The following ST8SIA6 variants were observed in gnomAD, a reference collection of about 807,000 sequenced individuals.
The protein encoded by ST8SIA6 is alpha-2,8-sialyltransferase 8F.
A neutral mutation model predicts 33.6 loss-of-function variants in ST8SIA6; 39 were observed. The observed-to-expected ratio is 1.16, with a 90% CI of 0.90 to 1.52. ST8SIA6 has a LOEUF of 1.52. Among genes scored for constraint, ST8SIA6 ranks in the 40% most tolerant of loss-of-function variants. The pLI is 0.00. For synonymous variants in ST8SIA6, 172 were observed against 167.2 expected, an observed-to-expected ratio of 1.03 and a Z score of -0.22; for missense variants, 441 against 443.8, an observed-to-expected ratio of 0.99 and a Z score of 0.06.
intron 2 of ST8SIA6, among the ~76,000 whole-genome samples, chr10:17,450,170 T>C (rs911348808): frequency 3.9e-5 from 6 of 151,958 alleles, no homozygotes; most frequent in African/African-American, 1.5e-4. Flanking sequence ...CAGAAGAGAA[T>C]CTTTGCTAGA....
At chr10:17,386,828 A>G (rs559053059) in intron 3 of ST8SIA6, 1 of 152,266 alleles carries the variant, frequency 6.6e-6, no homozygotes, top group East Asian at 1.9e-4. Flanking sequence ...GCTACGTGAT[A>G]CCCGGTAGGC....
chr10:17,390,585 T>TC lies in ST8SIA6; in HGVS notation c.235dup (p.Glu79GlyfsTer11). ...GCCATATTGCAGATTTTTGCATTTC[T>TC]CCGTCAGTTGGAGCGACTTCTCATT... On this transcript the variant is annotated frameshift_variant, in exon 3 of 8. Coordinates refer to ENST00000377602, the MANE Select transcript of ST8SIA6 (RefSeq NM_001004470.3). 6.2e-7 allele frequency: 1 copy of TC among 1,614,092 alleles called. No homozygotes were observed. The highest frequency in any genetic ancestry group is 8.5e-7 in the Non-Finnish European group (1 of 1,179,968).
At chr10:17,406,621 A>G (rs1401786285) in intron 2 of ST8SIA6, among the ~76,000 whole-genome samples, 1 of 152,068 alleles carries the variant, frequency 6.6e-6, no homozygotes, top group East Asian at 1.9e-4. Context: ...TCTCCCATTC[A>G]TAGTCTATAC....
At chr10:17,324,319 C>G (rs1463331121) in intron 6 of ST8SIA6, among the ~76,000 whole-genome samples, 1 of 151,966 alleles carries the variant, frequency 6.6e-6, no homozygotes, top group Non-Finnish European at 1.5e-5. Flanking sequence ...ACATGAACTT[C>G]CCTCATTGAT....
rs750266082 is a variant in ST8SIA6, at chr10:17,444,028, C to G, written c.200+9531G>C. Among the ~76,000 whole-genome samples, 156 of 152,320 alleles carry G rather than the reference C, an allele frequency of 1.0e-3. 1 individual carries two copies. The highest frequency in any genetic ancestry group is 2.0e-3 in the Admixed American group (30 of 15,304). ...TCATATCCCTTCTGCTGTAACCAAG[C>G]CTCTGGTCTCGTTATTTCCAGCGTT... On this transcript the variant is annotated intron_variant, in intron 2 of 7. Transcript: ENST00000377602.
chr10:17,448,782 A>ATTTTT (rs753562099), intron 2 of ST8SIA6, among the ~76,000 whole-genome samples: 16 of 123,550 alleles, frequency 1.3e-4, no homozygotes, highest in Non-Finnish European at 2.5e-4. Flanking sequence ...CGCCAGGCTA[A>ATTTTT]TTTTTTTTTT....
chr10:17,425,665 GGAA>G (rs1851913493), intron 2 of ST8SIA6, among the ~76,000 whole-genome samples: 1 of 149,856 alleles, frequency 6.7e-6, no homozygotes, highest in Non-Finnish European at 1.5e-5. Flanking sequence ...AGGGAGGAAG[GGAA>G]GAAAGAAAAA....
chr10:17,373,903 T>C (rs777482967), intron 3 of ST8SIA6, among the ~76,000 whole-genome samples: 2 of 152,178 alleles, frequency 1.3e-5, no homozygotes, highest in African/African-American at 2.4e-5. Context: ...TTTCCATTTT[T>C]CTCTGAGAGA....
At chr10:17,436,749 C>T (rs1367217638) in intron 2 of ST8SIA6, among the ~76,000 whole-genome samples, 1 of 151,860 alleles carries the variant, frequency 6.6e-6, no homozygotes, top group African/African-American at 2.4e-5. Context: ...ATATGTGTCA[C>T]ATTTTCTTAA....
intron 3 of ST8SIA6, among the ~76,000 whole-genome samples, chr10:17,371,802 AAG>A (rs544366396): frequency 0.12 from 16,408 of 134,342 alleles, 1,180 homozygotes; most frequent in East Asian, 0.34. Flanking sequence ...AAAAAAAAAA[AAG>A]AAAGAAAGTA....
chr10:17,350,402 G>A lies in ST8SIA6; in HGVS notation c.377+9112C>T, dbSNP rs77975607. On this transcript the variant is annotated intron_variant, in intron 4 of 7. Coordinates refer to ENST00000377602, the MANE Select transcript of ST8SIA6 (RefSeq NM_001004470.3). Reference sequence around the variant, plus strand: ...TGAATGCTTGCTTCACACCAAAGGAGTAGTTTATGTTATTAAGAAAACAGT... The same window carrying A: ...TGAATGCTTGCTTCACACCAAAGGAATAGTTTATGTTATTAAGAAAACAGT... 8.7e-3 allele frequency among the ~76,000 whole-genome samples: 1,332 copies of A among 152,278 alleles called. 8 individuals carry two copies. The highest frequency in any genetic ancestry group is 0.015 in the Non-Finnish European group (1,017 of 68,026).
At chr10:17,439,490 G>C (rs1722092226) in intron 2 of ST8SIA6, among the ~76,000 whole-genome samples, 1 of 152,188 alleles carries the variant, frequency 6.6e-6, no homozygotes, top group Admixed American at 6.5e-5. Flanking sequence ...ATGCTGGCCA[G>C]GCTGGTCTAA....
rs1847915008 is a variant in ST8SIA6 at position 17,320,771 on chromosome 10, T to G, written c.*107A>C. ...GGGAAGCTTTGGTCAAACCAAATTT[T>G]GGGGCTCATCTCAAAATACTCTTTA... On this transcript the variant is annotated 3_prime_UTR_variant, in exon 8 of 8. Coordinates refer to ENST00000377602, the MANE Select transcript of ST8SIA6 (RefSeq NM_001004470.3). The G allele has an allele frequency of 8.3e-7, 1 of 1,200,192 alleles. No individual in the cohort carries two copies. The highest frequency in any genetic ancestry group is 1.2e-6 in the Non-Finnish European group (1 of 856,012). The allele number at this position is 1,200,192 out of a possible 1,614,324, so 74.3% of individuals were successfully genotyped here.
chr10:17,445,686 T>G (rs1396803994), intron 2 of ST8SIA6, among the ~76,000 whole-genome samples: 1 of 152,192 alleles, frequency 6.6e-6, no homozygotes, highest in Non-Finnish European at 1.5e-5. Flanking sequence ...CCTCTTGAGA[T>G]TACATGTTGA....
In ST8SIA6 at chr10:17,347,953, CAAAAAAA is replaced by C. The variant is rs55996465; in HGVS notation, c.377+11554_377+11560del. On this transcript the variant is annotated intron_variant, in intron 4 of 7. Coordinates refer to ENST00000377602, the MANE Select transcript of ST8SIA6 (RefSeq NM_001004470.3). ...CCTAGGCGATGGTGAGACTCTGTCTCAAAAAAAAAAAAAAAAAAAAAATTAAAGCTGA... is the reference window on the plus strand; with the variant it reads ...CCTAGGCGATGGTGAGACTCTGTCTCAAAAAAAAAAAAAAATTAAAGCTGA... Among the ~76,000 whole-genome samples the C allele has an allele frequency of 7.3e-5, 5 of 68,636 alleles. No individual in the cohort carries two copies. In the South Asian group the frequency reaches 2.3e-3, roughly 31 times the overall value. The allele number at this position is 68,636 out of a possible 152,430, so 45.0% of individuals were successfully genotyped here.
chr10:17,368,232 C>CAAAAAA (rs61426907), intron 3 of ST8SIA6, among the ~76,000 whole-genome samples: 1 of 74,200 alleles, frequency 1.3e-5, no homozygotes, highest in Non-Finnish European at 2.6e-5. Flanking sequence ...CCTGTCTCTA[C>CAAAAAA]AAAAAAAAAA....
chr10:17,403,925 T>TGTG (rs575782097), intron 2 of ST8SIA6, among the ~76,000 whole-genome samples: 302 of 151,436 alleles, frequency 2.0e-3, no homozygotes, highest in African/African-American at 7.0e-3. Context: ...ATTACCCAGG[T>TGTG]GTGGTGGTGC....
At chr10:17,438,005 A>G (rs1802450401) in intron 2 of ST8SIA6, among the ~76,000 whole-genome samples, 1 of 152,082 alleles carries the variant, frequency 6.6e-6, no homozygotes, top group African/African-American at 2.4e-5. Context: ...CTGGGAATAC[A>G]GGTGTGAGCC....
At chr10:17,349,931 AATAAAC>A (rs1848974633) in intron 4 of ST8SIA6, among the ~76,000 whole-genome samples, 1 of 131,392 alleles carries the variant, frequency 7.6e-6, no homozygotes, top group Non-Finnish European at 1.6e-5. Flanking sequence ...CTGTAAATTA[AATAAAC>A]ACACACACAC....
Sources: allele counts gnomAD v4.1 joint callset (sites outside exome capture counted in the v4.1 genomes callset), GRCh38; gene constraint gnomAD v4.1.1; transcripts MANE v1.5; gene names NCBI Gene and HGNC (gene_info 2026-07-23, HGNC 2026-07-21).